Variants in DYM observed in about 807,000 individuals in gnomAD.
The protein encoded by DYM is dymeclin.
A neutral mutation model predicts 93.1 loss-of-function variants in DYM; 78 were observed. That is an observed-to-expected ratio of 0.84 (90% CI 0.70 to 1.01). The LOEUF is 1.01. Among genes scored for constraint, DYM ranks in the 50% least tolerant of loss-of-function variants. DYM has a pLI of 0.00. For synonymous variants in DYM, 321 were observed against 319.7 expected (o/e 1.00, Z -0.04); for missense variants, 789 against 845.0 (o/e 0.93, Z 0.82).
chr18:49,063,611 TTC>T (rs1159261415), intron 17 of DYM, among the ~76,000 whole-genome samples: 1 of 142,518 alleles, frequency 7.0e-6, no homozygotes, highest in African/African-American at 2.6e-5. Flanking sequence ...ATTTCTTTCT[TTC>T]TCTCTCTTTT....
At chr18:49,286,243 A>G (rs763842404) in intron 9 of DYM, among the ~76,000 whole-genome samples, 191 bp downstream of exon 9, 4 of 152,198 alleles carry the variant, frequency 2.6e-5, no homozygotes, top group Non-Finnish European at 4.4e-5. Context: ...AAACAGATAT[A>G]AAGGATCAGA....
chr18:49,428,496 C>A (rs2074512179), intron 2 of DYM, among the ~76,000 whole-genome samples: 1 of 151,978 alleles, frequency 6.6e-6, no homozygotes, highest in African/African-American at 2.4e-5. Context: ...ACCAGCCTGG[C>A]CAACATGGTG....
At chr18:49,188,633 G>T (rs1462928083) in intron 14 of DYM, among the ~76,000 whole-genome samples, 1 of 151,764 alleles carries the variant, frequency 6.6e-6, no homozygotes, top group Non-Finnish European at 1.5e-5. Context: ...GGTGGGAATT[G>T]AACAATGAGA....
chr18:49,443,738 C>A (rs1031255587), intron 1 of DYM, among the ~76,000 whole-genome samples: 4 of 151,996 alleles, frequency 2.6e-5, no homozygotes, highest in Non-Finnish European at 4.4e-5. Context: ...GAATGTCTTG[C>A]CAAAAATTAA....
intron 6 of DYM, among the ~76,000 whole-genome samples, chr18:49,339,564 G>A (rs1376296943): frequency 6.6e-6 from 1 of 152,258 alleles, no homozygotes; most frequent in East Asian, 1.9e-4. Context: ...GTGAGGAACT[G>A]AGGTCCTCAG....
chr18:49,098,305 C>A (rs1383344353), intron 16 of DYM, among the ~76,000 whole-genome samples: 1 of 152,094 alleles, frequency 6.6e-6, no homozygotes, highest in African/African-American at 2.4e-5. Context: ...TTGAGCATTA[C>A]CTTTTATGTC....
intron 17 of DYM, among the ~76,000 whole-genome samples, chr18:49,080,869 C>A (rs1485303820): frequency 6.6e-6 from 1 of 150,684 alleles, no homozygotes; most frequent in African/African-American, 2.4e-5. Flanking sequence ...GACGGGGTGG[C>A]GGCCGGGCAG....
chr18:49,420,657 T>C (rs1376073151), intron 2 of DYM, among the ~76,000 whole-genome samples: 1 of 152,094 alleles, frequency 6.6e-6, no homozygotes, highest in Non-Finnish European at 1.5e-5. Flanking sequence ...CACTGGGGCT[T>C]GTCAGACAGT....
chr18:49,201,202 C>T (rs1204526857), intron 14 of DYM, among the ~76,000 whole-genome samples: 4 of 152,190 alleles, frequency 2.6e-5, no homozygotes, highest in African/African-American at 4.8e-5. Flanking sequence ...TAAATATTTG[C>T]CATGTTGATA....
At chr18:49,047,323 C>T (rs2071723009) in intron 17 of DYM, among the ~76,000 whole-genome samples, 2 of 152,322 alleles carry the variant, frequency 1.3e-5, no homozygotes, top group African/African-American at 4.8e-5. Context: ...AGCTCTTTGC[C>T]ATCATCAGCG....
At chr18:49,244,404 T>G (rs2094117719) in intron 13 of DYM, among the ~76,000 whole-genome samples, 1 of 152,212 alleles carries the variant, frequency 6.6e-6, no homozygotes, top group Non-Finnish European at 1.5e-5. Context: ...GGATCACATG[T>G]TTAGAAAGAC....
chr18:49,446,700 C>G (rs756432522), intron 1 of DYM, among the ~76,000 whole-genome samples: 19 of 152,108 alleles, frequency 1.2e-4, no homozygotes, highest in African/African-American at 4.6e-4. Context: ...GATACATCAA[C>G]AAGAAATGTT....
intron 16 of DYM, among the ~76,000 whole-genome samples, chr18:49,101,657 ATTTTT>A (rs1411833911): frequency 2.0e-5 from 3 of 152,200 alleles, no homozygotes; most frequent in East Asian, 1.9e-4. Flanking sequence ...ATTTTATTTT[ATTTTT>A]ATTTTTTAAG....
intron 8 of DYM, among the ~76,000 whole-genome samples, chr18:49,314,844 T>TAG: frequency 6.6e-6 from 1 of 152,350 alleles, no homozygotes; most frequent in South Asian, 2.1e-4. Context: ...CCAAGGTCAT[T>TAG]AGAGCTCTTC....
intron 13 of DYM, among the ~76,000 whole-genome samples, chr18:49,229,404 A>G (rs938784080): frequency 3.9e-5 from 6 of 152,162 alleles, no homozygotes; most frequent in Non-Finnish European, 7.4e-5. Context: ...TAATATATAA[A>G]GAAAACTCAA....
chr18:49,206,003 G>GTTT (rs72500406), intron 14 of DYM: 77 of 142,816 alleles, frequency 5.4e-4, no homozygotes, highest in African/African-American at 1.3e-3. Flanking sequence ...TTTTTTTTTT[G>GTTT]TTTTTTTGTT....
At chr18:49,375,241 C>T (rs1225480066) in intron 5 of DYM, among the ~76,000 whole-genome samples, 1 of 143,812 alleles carries the variant, frequency 7.0e-6, no homozygotes, top group Non-Finnish European at 1.5e-5. Context: ...TCTATACCTA[C>T]CTTGGGCTTT....
chr18:49,268,442 G>A (rs1185388162), intron 11 of DYM, among the ~76,000 whole-genome samples: 1 of 152,208 alleles, frequency 6.6e-6, no homozygotes, highest in Non-Finnish European at 1.5e-5. Flanking sequence ...TACCAACCCT[G>A]TTTTGGCAGT....
At chr18:49,048,419 C>T (rs2071929100) in intron 17 of DYM, 1 of 152,124 alleles carries the variant, frequency 6.6e-6, no homozygotes, top group East Asian at 1.9e-4. Flanking sequence ...GTGGTAATGT[C>T]GCTGTTAAAA....
Sources: gnomAD v4.1 joint callset for allele counts (sites outside exome capture counted in the v4.1 genomes callset) on GRCh38, gnomAD v4.1.1 for gene constraint, MANE v1.5 for transcripts, NCBI Gene and HGNC (gene_info 2026-07-23, HGNC 2026-07-21) for gene names.